Variants in MPG observed in about 807,000 individuals in gnomAD.
MPG encodes the protein N-methylpurine DNA glycosylase.
In MPG, 33 loss-of-function variants were observed where a neutral mutation model predicts 31.7. The ratio of observed to expected loss-of-function variants is 1.04; its 90% CI spans 0.79 to 1.39. MPG has a LOEUF of 1.39. Ranked by LOEUF, MPG falls within the 40% of genes most tolerant of loss-of-function variation. MPG has a pLI of 0.00. For synonymous variants in MPG, 202 were observed against 169.2 expected (o/e 1.19, Z -1.51); for missense variants, 455 against 415.5 (o/e 1.10, Z -0.83).
intron 2 of MPG, 99 bp from the exon 3 acceptor site, chr16:82,953 A>G (rs2141886853): frequency 9.2e-7 from 1 of 1,086,166 alleles, no homozygotes; most frequent in East Asian, 2.5e-5. Flanking sequence ...TGGGCGGCTG[A>G]CACACCCTGA....
chr16:78,315 C>A lies in MPG; in HGVS notation c.6C>A (p.Pro2=). 7.5e-7 allele frequency: 1 copy of A among 1,327,774 alleles called. No individual in the cohort carries two copies. Among genetic ancestry groups the A allele is most frequent in the Non-Finnish European group, 9.6e-7 (1 of 1,037,558 alleles). 82.2% of individuals were successfully genotyped at this position (1,327,774 alleles called of 1,614,324 possible). M[P]ARSGAQFCRR... ...GCCCCGGCCCGAGCCGCCGGATGCC[C>A]GCGCGCAGCGGGGCCCAGGTGAGCG... The change falls in exon 1 of 4, where the codon CCC becomes CCA. Residue 2 remains proline, a synonymous_variant. Coordinates refer to ENST00000356432, the MANE Select transcript of MPG (RefSeq NM_001015052.3).
chr16:79,231 C>G (rs557220617), intron 1 of MPG, 194 bp from the exon 2 acceptor site: 454 of 1,551,938 alleles, frequency 2.9e-4, no homozygotes, highest in Non-Finnish European at 3.9e-4. Context: ...CATCGTCAGA[C>G]GTGATCATTT....
intron 2 of MPG, among the ~76,000 whole-genome samples, chr16:82,366 G>A (rs1270911617): frequency 6.6e-6 from 1 of 152,182 alleles, no homozygotes; most frequent in African/African-American, 2.4e-5. Context: ...CTGTCCAGCT[G>A]ACCTATCTGG....
In MPG at chr16:85,586, C is replaced by G. The variant is rs762830589; in HGVS notation, c.691C>G (p.Leu231Val). The change falls in exon 4 of 4, where the codon CTG (leucine) becomes GTG (valine). Residue 231 changes from leucine to valine, a missense_variant. Coordinates refer to ENST00000356432, the MANE Select transcript of MPG (RefSeq NM_001015052.3). ...CAACAAGAGCTTTGACCAGAGGGAC[C>G]TGGCACAGGATGAAGCTGTATGGCT... is the stretch of plus-strand genomic sequence containing the variant. ...AINKSFDQRDLAQDEAVWLER... is the reference protein window; with the variant it reads ...AINKSFDQRDVAQDEAVWLER... 11 of 1,613,062 alleles carry G rather than the reference C, an allele frequency of 6.8e-6. No individual in the cohort carries two copies. The South Asian group carries it at 7.7e-5, about 11-fold the overall frequency.
chr16:77,977 A>C, upstream of MPG: 1 of 202,644 alleles, frequency 4.9e-6, no homozygotes, highest in Non-Finnish European at 1.0e-5. Context: ...GCGGGGGCGG[A>C]CAGCTCATTG....
At chr16:83,841 A>G (rs1025148189) in intron 3 of MPG, among the ~76,000 whole-genome samples, 10 of 152,116 alleles carry the variant, frequency 6.6e-5, no homozygotes, top group Admixed American at 5.9e-4. Flanking sequence ...GAGGCAGCAC[A>G]TGAGGATGAG....
Position 85,536 on chromosome 16 carries a change from C to G in MPG, c.641C>G (p.Ser214Cys). 6.2e-7 allele frequency: 1 copy of G among 1,613,402 alleles called. No homozygotes were observed. Residue 214 changes from serine to cysteine, a missense_variant, in exon 4 of 4, where the codon TCC (serine) becomes TGC (cysteine). By Grantham distance (112) the Ser-to-Cys change is moderately radical (BLOSUM62 -1). Transcript: ENST00000356432. ...GACCGCGAGCTCTGCAGTGGCCCCT[C>G]CAAGCTGTGCCAGGCCCTGGCCATC... is the stretch of plus-strand genomic sequence containing the variant. ...LKDRELCSGP[S>C]KLCQALAINK...
intron 2 of MPG, 86 bp downstream of exon 2, chr16:79,786 G>A (rs1179489108): frequency 9.0e-6 from 13 of 1,438,564 alleles, no homozygotes; most frequent in Non-Finnish European, 4.7e-6. Context: ...CTGCTGGATT[G>A]GCCCTCAGTT....
rs966432950 is a variant in MPG, at chr16:79,534, A to T, written c.134A>T (p.Asp45Val). 1.9e-6 allele frequency: 3 copies of T among 1,612,782 alleles called. No individual in the cohort carries two copies. The highest frequency in any genetic ancestry group is 2.5e-6 in the Non-Finnish European group (3 of 1,179,938). ...APAEQPHSSS[D>V]AAQAPCPRER... ...GCAGAGCAGCCACACAGCTCGTCCG[A>T]TGCAGCCCAGGCACCTTGCCCCAGG... Residue 45 changes from aspartate (D) to valine (V), a missense_variant, in exon 2 of 4, where the codon GAT becomes GTT. By Grantham distance (152) the Asp-to-Val change is radical. Coordinates refer to ENST00000356432, the MANE Select transcript of MPG (RefSeq NM_001015052.3).
intron 2 of MPG, among the ~76,000 whole-genome samples, chr16:80,269 G>A (rs1898204830): frequency 6.6e-6 from 1 of 152,270 alleles, no homozygotes; most frequent in Admixed American, 6.5e-5. Context: ...TGGGAGCGAG[G>A]TGGTGGCGGT....
At position 79,405 on chromosome 16, in the gene MPG, TA is replaced by T. The variant is rs1596483571; in HGVS notation, c.25-19del. On this transcript the variant is annotated intron_variant, in intron 1 of 3. Coordinates refer to ENST00000356432, the MANE Select transcript of MPG (RefSeq NM_001015052.3). ...GCTGTCTCCTATTCGGATGCTTATT[TA>T]TTTTTTTTCCCATTACAGTTTTGCC... is the stretch of plus-strand genomic sequence containing the variant. The T allele has an allele frequency of 1.2e-6, 2 of 1,613,592 alleles. No homozygotes were observed. The highest frequency in any genetic ancestry group is 4.5e-5 in the East Asian group (2 of 44,876).
chr16:85,178 G>T (rs1387066776), intron 3 of MPG, among the ~76,000 whole-genome samples: 1 of 152,252 alleles, frequency 6.6e-6, no homozygotes, highest in Non-Finnish European at 1.5e-5. Context: ...CATGGTGCAG[G>T]CTTGGAGGAT....
chr16:85,493 G>A lies in MPG; in HGVS notation c.598G>A (p.Ala200Thr), dbSNP rs147661014. ...QLRSTLRKGT[A>T]SRVLKDRELC... Reference sequence around the variant, plus strand: ...TCGCAGCACCCTCCGGAAAGGCACCGCCAGCCGTGTCCTCAAGGACCGCGA... The same window carrying A: ...TCGCAGCACCCTCCGGAAAGGCACCACCAGCCGTGTCCTCAAGGACCGCGA... Residue 200 changes from alanine (A) to threonine (T), a missense_variant, in exon 4 of 4, where the codon GCC becomes ACC. Coordinates refer to ENST00000356432, the MANE Select transcript of MPG (RefSeq NM_001015052.3). The A allele has an allele frequency of 3.8e-5, 62 of 1,613,080 alleles. No homozygotes were observed. Among genetic ancestry groups the A allele is most frequent in the Admixed American group, 8.3e-5 (5 of 60,010 alleles).
intron 3 of MPG, 157 bp downstream of exon 3, chr16:83,413 A>G (rs1208789413): frequency 1.3e-6 from 1 of 747,808 alleles, no homozygotes; most frequent in African/African-American, 1.8e-5. Flanking sequence ...GGCTACGCTG[A>G]CGGGGCAGGG....
chr16:80,861 G>A (rs1898220063), intron 2 of MPG, among the ~76,000 whole-genome samples: 1 of 152,220 alleles, frequency 6.6e-6, no homozygotes, highest in Non-Finnish European at 1.5e-5. Context: ...AACAGCACGT[G>A]TGGCAGGTGC....
intron 2 of MPG, chr16:79,946 G>A (rs895703594): frequency 1.7e-5 from 10 of 578,170 alleles, no homozygotes; most frequent in South Asian, 4.3e-5. Flanking sequence ...GTCTGCCCCC[G>A]GCTCTGGGCA....
chr16:82,972 G>C, intron 2 of MPG, 80 bp from the exon 3 acceptor site: 4 of 1,289,682 alleles, frequency 3.1e-6, no homozygotes, highest in Non-Finnish European at 4.3e-6. Flanking sequence ...GAGCTGGGGA[G>C]ATGAGGTCCA....
intron 2 of MPG, among the ~76,000 whole-genome samples, chr16:82,642 G>C (rs1419207683): frequency 6.6e-6 from 1 of 152,214 alleles, no homozygotes; most frequent in African/African-American, 2.4e-5. Context: ...ACATCCTTGG[G>C]GTCCTGTGCC....
rs762883064 is a variant in MPG at position 85,508 on chromosome 16, A to G, written c.613A>G (p.Lys205Glu). The G allele has an allele frequency of 2.3e-5, 37 of 1,613,230 alleles. No individual in the cohort carries two copies. Among genetic ancestry groups the G allele is most frequent in the Non-Finnish European group, 2.7e-5 (32 of 1,180,028 alleles). ...GAAAGGCACCGCCAGCCGTGTCCTC[A>G]AGGACCGCGAGCTCTGCAGTGGCCC... ...LRKGTASRVLKDRELCSGPSK... is the reference protein window; with the variant it reads ...LRKGTASRVLEDRELCSGPSK... The change falls in exon 4 of 4, where the codon AAG becomes GAG. Residue 205 changes from lysine (K) to glutamate (E), a missense_variant. Coordinates refer to ENST00000356432, the MANE Select transcript of MPG (RefSeq NM_001015052.3).
Sources: gnomAD v4.1 joint callset for allele counts (sites outside exome capture counted in the v4.1 genomes callset) on GRCh38, gnomAD v4.1.1 for gene constraint, MANE v1.5 for transcripts, NCBI Gene and HGNC (gene_info 2026-07-23, HGNC 2026-07-21) for gene names.